APOBEC3F: variants seen among roughly 807,000 people sequenced by gnomAD.
The protein encoded by APOBEC3F is apolipoprotein B mRNA editing enzyme catalytic subunit 3F.
Under a neutral mutation model 45.8 loss-of-function variants are expected in APOBEC3F, and 34 were observed. The observed-to-expected ratio is 0.74, with a 90% confidence interval of 0.57 to 0.99. The LOEUF is 0.99. APOBEC3F is among the 50% of genes least tolerant of loss of function. APOBEC3F has a pLI of 0.00. For synonymous variants in APOBEC3F, 192 were observed against 174.4 expected (o/e 1.10, Z -0.80); for missense variants, 459 against 474.1 (o/e 0.97, Z 0.30).
intron 5 of APOBEC3F, among the ~76,000 whole-genome samples, chr22:39,050,576 G>A (rs1051165573): frequency 6.6e-6 from 1 of 151,050 alleles, no homozygotes; most frequent in African/African-American, 2.5e-5. Flanking sequence ...AAATTTTAGT[G>A]TCTGCATTAG....
intron 5 of APOBEC3F, 124 bp downstream of exon 5, chr22:39,049,705 T>C (rs991626992): frequency 3.5e-5 from 42 of 1,200,912 alleles, no homozygotes; most frequent in Non-Finnish European, 4.6e-5. Flanking sequence ...ATTTCTTTTT[T>C]TTTTTTTTTT....
At chr22:39,045,330 G>C (rs1005721695) in intron 3 of APOBEC3F, 98 bp from the exon 4 acceptor site, 16 of 1,604,148 alleles carry the variant, frequency 1.0e-5, no homozygotes, top group Admixed American at 3.4e-5. Context: ...CAGGGGCGGG[G>C]CCAGCACTGA....
intron 4 of APOBEC3F, among the ~76,000 whole-genome samples, chr22:39,047,269 G>A (rs995268746): frequency 1.3e-5 from 2 of 152,216 alleles, no homozygotes; most frequent in African/African-American, 4.8e-5. Context: ...GCTACCGGGT[G>A]GGGGGCGTCC....
At chr22:39,049,612 T>G in intron 5 of APOBEC3F, 31 bp downstream of exon 5, 1 of 1,611,414 alleles carries the variant, frequency 6.2e-7, no homozygotes, top group East Asian at 2.2e-5. Context: ...ACACCCCAAA[T>G]AGGAGCTAAG....
chr22:39,046,075 G>T (rs1298301359), intron 4 of APOBEC3F, among the ~76,000 whole-genome samples: 3 of 152,142 alleles, frequency 2.0e-5, no homozygotes, highest in African/African-American at 7.2e-5. Context: ...GGGTGGGCGG[G>T]GTTGTGTCTT....
chr22:39,042,312 T>C (rs34606415), intron 1 of APOBEC3F, among the ~76,000 whole-genome samples: 4,436 of 144,824 alleles, frequency 0.031, 179 homozygotes, highest in African/African-American at 0.11. Flanking sequence ...CTCTCTCTCT[T>C]TTTTTTTTTT....
intron 4 of APOBEC3F, 76 bp from the exon 5 acceptor site, chr22:39,049,349 A>G (rs1303131591): frequency 1.3e-6 from 2 of 1,511,016 alleles, no homozygotes; most frequent in Non-Finnish European, 1.8e-6. Context: ...CTGTCCAGTG[A>G]GTGGTGTTCA....
At chr22:39,049,281 C>T in intron 4 of APOBEC3F, 144 bp from the exon 5 acceptor site, 3 of 1,033,060 alleles carry the variant, frequency 2.9e-6, no homozygotes, top group Non-Finnish European at 4.2e-6. Flanking sequence ...TGCCAGCATC[C>T]CCTCCTCTTT....
At position 39,051,018 on chromosome 22, in the gene APOBEC3F, C is replaced by T. The variant is rs542498414; in HGVS notation, c.724-1056C>T. On this transcript the variant is annotated intron_variant, in intron 5 of 6. Coordinates refer to ENST00000308521, the MANE Select transcript of APOBEC3F (RefSeq NM_145298.6). Reference sequence around the variant, plus strand: ...CTTAGCGAGGCTGAGGCGGGCGGATCATGAGGTCAGGAGTTTGACACCAGC... The same window carrying T: ...CTTAGCGAGGCTGAGGCGGGCGGATTATGAGGTCAGGAGTTTGACACCAGC... 5.0e-4 allele frequency among the ~76,000 whole-genome samples: 76 copies of T among 152,088 alleles called. 1 individual carries two copies. Among genetic ancestry groups the T allele is most frequent in the African/African-American group, 1.7e-3 (72 of 41,484 alleles).
rs1225046451 is a variant in APOBEC3F, at chr22:39,052,850, C to T, written c.*155C>T. On this transcript the variant is annotated 3_prime_UTR_variant, in exon 7 of 7. Transcript: ENST00000308521. ...CCATAGTGCTCCCCTGCCTCACCAC[C>T]TCCTCTCCGCTCTCCCAGGCTCTTC... 6.9e-7 allele frequency: 1 copy of T among 1,439,430 alleles called. No homozygotes were observed. The highest frequency in any genetic ancestry group is 9.1e-7 in the Non-Finnish European group (1 of 1,101,028). The allele number at this position is 1,439,430 out of a possible 1,614,324, so 89.2% of individuals were successfully genotyped here. A position where few individuals can be genotyped will look rare whatever the true frequency, so the allele number is the denominator to read the frequency against.
chr22:39,052,748 T>C lies in APOBEC3F; in HGVS notation c.*53T>C, dbSNP rs1361103581. On this transcript the variant is annotated 3_prime_UTR_variant, in exon 7 of 7. Coordinates refer to ENST00000308521, the MANE Select transcript of APOBEC3F (RefSeq NM_145298.6). ...CTCCTCTAGCCTCCTGCTCATGTTG[T>C]GCAGGCCTCCCCTCCATCCTGGACC... 12 of 1,569,542 alleles carry C rather than the reference T, an allele frequency of 7.6e-6. No individual in the cohort carries two copies. Among genetic ancestry groups the C allele is most frequent in the Non-Finnish European group, 9.5e-6 (11 of 1,159,796 alleles).
rs756069639 is a variant in APOBEC3F at position 39,049,376 on chromosome 22, A to G, written c.567-49A>G. On this transcript the variant is annotated intron_variant, in intron 4 of 6. Coordinates refer to ENST00000308521, the MANE Select transcript of APOBEC3F (RefSeq NM_145298.6). ...TGGTGTTCAGTGGGCATCAGCTCCG[A>G]GGAATCCAGGGGGGTCTCTGCATTG... 7 of 1,599,948 alleles carry G rather than the reference A, an allele frequency of 4.4e-6. 1 individual carries two copies. The South Asian group carries it at 6.7e-5, about 15-fold the overall frequency.
intron 4 of APOBEC3F, among the ~76,000 whole-genome samples, chr22:39,048,176 A>G (rs1927311138): frequency 6.6e-6 from 1 of 152,208 alleles, no homozygotes; most frequent in Non-Finnish European, 1.5e-5. Flanking sequence ...GGTTCCCAAC[A>G]GCTCCCTCCT....
At chr22:39,049,106 A>C (rs1386294821) in intron 4 of APOBEC3F, among the ~76,000 whole-genome samples, 1 of 152,218 alleles carries the variant, frequency 6.6e-6, no homozygotes, top group African/African-American at 2.4e-5. Context: ...AATTGAGCTG[A>C]AATGTTCAAG....
rs766853493 is a variant in APOBEC3F at position 39,045,270 on chromosome 22, A to C, written c.451+50A>C. Reference sequence around the variant, plus strand: ...GCGTGAGCGGGAGGAACAGCATGAAAGATGGATGGATCTGCAATGCCATGG... The same window carrying C: ...GCGTGAGCGGGAGGAACAGCATGAACGATGGATGGATCTGCAATGCCATGG... On this transcript the variant is annotated intron_variant, in intron 3 of 6. Transcript: ENST00000308521. The C allele has an allele frequency of 1.9e-6, 3 of 1,598,236 alleles. No individual in the cohort carries two copies. The South Asian group carries it at 3.4e-5, about 18-fold the overall frequency.
In APOBEC3F at chr22:39,055,034, T is replaced by C. The variant is rs1426834199; in HGVS notation, c.*2339T>C. The stretch of plus-strand genomic sequence containing the variant: ...TGTGTCCTCTGTGGCCTTTCCTCTA[T>C]GAACCTGTACTGTACCTCTGGGGTC... On this transcript the variant is annotated 3_prime_UTR_variant, in exon 7 of 7. Coordinates refer to ENST00000308521, the MANE Select transcript of APOBEC3F (RefSeq NM_145298.6). 2.0e-5 allele frequency among the ~76,000 whole-genome samples: 3 copies of C among 151,860 alleles called. No homozygotes were observed. Among genetic ancestry groups the C allele is most frequent in the African/African-American group, 7.3e-5 (3 of 41,342 alleles).
In APOBEC3F at chr22:39,049,460, A is replaced by G; in HGVS notation, c.602A>G (p.Tyr201Cys). ...GAGGCAATGTATCCACACATATTCTACTTCCACTTTAAAAACCTACGCAAA... is the reference window on the plus strand; with the variant it reads ...GAGGCAATGTATCCACACATATTCTGCTTCCACTTTAAAAACCTACGCAAA... ...PMEAMYPHIF[Y>C]FHFKNLRKAY... Residue 201 changes from tyrosine to cysteine, a missense_variant, in exon 5 of 7, where the codon TAC (tyrosine) becomes TGC (cysteine). By Grantham distance (194) the Tyr-to-Cys change is radical (BLOSUM62 -2). Coordinates refer to ENST00000308521, the MANE Select transcript of APOBEC3F (RefSeq NM_145298.6). 1 of 1,614,044 alleles carries G rather than the reference A, an allele frequency of 6.2e-7. No homozygotes were observed. The highest frequency in any genetic ancestry group is 8.5e-7 in the Non-Finnish European group (1 of 1,179,990).
At chr22:39,050,362 A>C in intron 5 of APOBEC3F, among the ~76,000 whole-genome samples, 6 of 143,576 alleles carry the variant, frequency 4.2e-5, no homozygotes, top group South Asian at 2.3e-4. Context: ...CCTCCCACCC[A>C]CCCTGTCGTG....
At chr22:39,048,236 C>G (rs1927314816) in intron 4 of APOBEC3F, among the ~76,000 whole-genome samples, 2 of 152,234 alleles carry the variant, frequency 1.3e-5, no homozygotes, top group Non-Finnish European at 2.9e-5. Context: ...GAAAGGGGCC[C>G]CAGCTCCATC....
Sources: gnomAD v4.1 joint callset for allele counts (sites outside exome capture counted in the v4.1 genomes callset) on GRCh38, gnomAD v4.1.1 for gene constraint, MANE v1.5 for transcripts, NCBI Gene and HGNC (gene_info 2026-07-23, HGNC 2026-07-21) for gene names.